The following PLEKHH2 variants were observed in gnomAD, a reference collection of about 807,000 sequenced individuals.
PLEKHH2 encodes pleckstrin homology domain-containing family H member 2.
A neutral mutation model predicts 187.9 loss-of-function variants in PLEKHH2; 129 were observed. The observed-to-expected ratio is 0.69, with a 90% CI of 0.59 to 0.79. PLEKHH2 has a LOEUF of 0.79. Among genes scored for constraint, PLEKHH2 ranks in the 30% least tolerant of loss-of-function variants. PLEKHH2 has a pLI of 0.00. For missense variants in PLEKHH2, 2,076 were observed against 1,751.2 expected, an observed-to-expected ratio of 1.19 and a Z score of -3.31; for synonymous variants, 686 against 605.6, an observed-to-expected ratio of 1.13 and a Z score of -1.95.
Position 43,699,830 on chromosome 2 carries a change from A to G in PLEKHH2, c.872A>G (p.Glu291Gly). Reference protein sequence around the residue: ...APVSDWSSDEEDGSKGRSKSR... With the variant: ...APVSDWSSDEGDGSKGRSKSR... ...GTGAGTGACTGGAGCTCTGATGAGG[A>G]AGACGGGAGCAAAGGAAGATCCAAG... The change falls in exon 8 of 30, where the codon GAA becomes GGA. Residue 291 changes from glutamate (E) to glycine (G), a missense_variant. Glu to Gly is a moderately conservative substitution (Grantham distance 98). Transcript: ENST00000282406. The G allele has an allele frequency of 6.2e-7, 1 of 1,611,870 alleles. No homozygotes were observed. The highest frequency in any genetic ancestry group is 8.5e-7 in the Non-Finnish European group (1 of 1,177,964).
intron 2 of PLEKHH2, among the ~76,000 whole-genome samples, chr2:43,654,795 G>A (rs1051592460): frequency 1.3e-5 from 2 of 151,626 alleles, no homozygotes; most frequent in Non-Finnish European, 2.9e-5. Flanking sequence ...GGGAGGCTGA[G>A]GTGGGCAGAT....
rs770709716 is a variant in PLEKHH2, at chr2:43,707,536, A to G, written c.1957A>G (p.Met653Val). 2 of 1,613,830 alleles carry G rather than the reference A, an allele frequency of 1.2e-6. No individual in the cohort carries two copies. The highest frequency in any genetic ancestry group is 4.5e-5 in the East Asian group (2 of 44,886). The change falls in exon 11 of 30, where the codon ATG becomes GTG. Residue 653 changes from methionine (M) to valine (V), a missense_variant. Coordinates refer to ENST00000282406, the MANE Select transcript of PLEKHH2 (RefSeq NM_172069.4). ...SRSGPGSPRA[M>V]KRGVSLSSVA... is the part of the protein sequence containing the mutation. ...GAGTGGGCCAGGCAGCCCCAGAGCC[A>G]TGAAACGAGGTGAGGGAAAATCGCA...
intron 2 of PLEKHH2, among the ~76,000 whole-genome samples, chr2:43,674,308 G>A (rs1253602707): frequency 6.6e-6 from 1 of 152,062 alleles, no homozygotes. Flanking sequence ...CAAAATCCAG[G>A]CTAAGTAAGG....
chr2:43,766,810 C>G lies in PLEKHH2; in HGVS notation c.*1212C>G, dbSNP rs758342825. On this transcript the variant is annotated 3_prime_UTR_variant, in exon 30 of 30. Transcript: ENST00000282406. The stretch of plus-strand genomic sequence containing the variant: ...ACAGGATCTCCCTATGTTGTCCAGC[C>G]TAGTCTCAAACTCCTGGGTTCAAGC... 1 of 152,136 alleles carries G rather than the reference C, an allele frequency of 6.6e-6. No individual in the cohort carries two copies. Among genetic ancestry groups the G allele is most frequent in the Non-Finnish European group, 1.5e-5 (1 of 68,076 alleles). 9.4% of individuals were successfully genotyped at this position (152,136 alleles called of 1,614,324 possible).
intron 14 of PLEKHH2, chr2:43,711,905 AAAAAG>A (rs1388830899): frequency 4.5e-5 from 45 of 1,001,224 alleles, no homozygotes; most frequent in Non-Finnish European, 5.2e-5. Context: ...AAAAAAAAAA[AAAAAG>A]AAAAGTAGGA....
intron 2 of PLEKHH2, among the ~76,000 whole-genome samples, chr2:43,671,612 AT>A (rs1667502286): frequency 6.6e-6 from 1 of 152,114 alleles, no homozygotes; most frequent in Non-Finnish European, 1.5e-5. Flanking sequence ...GATACCTTTT[AT>A]TAGGTATCAG....
chr2:43,761,699 CA>C (rs1405019159), intron 27 of PLEKHH2, among the ~76,000 whole-genome samples: 1 of 152,120 alleles, frequency 6.6e-6, no homozygotes, highest in Admixed American at 6.5e-5. Context: ...GCGAGAGCCA[CA>C]ACACCCAGTC....
rs571941383 is a variant in PLEKHH2 at position 43,762,374 on chromosome 2, T to C, written c.4142T>C (p.Leu1381Ser). 8.1e-6 allele frequency: 13 copies of C among 1,609,762 alleles called. No individual in the cohort carries two copies. The highest frequency in any genetic ancestry group is 8.5e-6 in the Non-Finnish European group (10 of 1,176,248). Residue 1381 changes from leucine to serine, a missense_variant, in exon 28 of 30, where the codon TTA (leucine) becomes TCA (serine). Leu to Ser is a moderately radical substitution (Grantham distance 145). Coordinates refer to ENST00000282406, the MANE Select transcript of PLEKHH2 (RefSeq NM_172069.4). ...GTACATGAGGATGGTTTAAGCCTCT[T>C]AGAATACAACTCCATGGTAAGTTTA... ...LAVHEDGLSL[L>S]EYNSMRLIVS...
chr2:43,666,901 T>G (rs1235778141), intron 2 of PLEKHH2, among the ~76,000 whole-genome samples: 1 of 152,208 alleles, frequency 6.6e-6, no homozygotes, highest in African/African-American at 2.4e-5. Flanking sequence ...CTCATTTTTC[T>G]TAATAGTAAG....
At chr2:43,693,848 C>A (rs1161593046) in intron 4 of PLEKHH2, among the ~76,000 whole-genome samples, 1 of 151,646 alleles carries the variant, frequency 6.6e-6, no homozygotes, top group African/African-American at 2.4e-5. Context: ...TTATTTTCAG[C>A]ATTTTTTCCC....
chr2:43,718,746 A>G (rs1164823578), intron 15 of PLEKHH2, among the ~76,000 whole-genome samples: 1 of 152,168 alleles, frequency 6.6e-6, no homozygotes, highest in East Asian at 1.9e-4. Context: ...CTTTCTGAAG[A>G]TTGTTTGAAG....
At chr2:43,639,501 T>G (rs895198418) in intron 1 of PLEKHH2, among the ~76,000 whole-genome samples, 1 of 152,228 alleles carries the variant, frequency 6.6e-6, no homozygotes, top group South Asian at 2.1e-4. Flanking sequence ...GGACATTTCA[T>G]GTAAATGGAC....
intron 17 of PLEKHH2, 97 bp downstream of exon 17, chr2:43,726,548 G>T: frequency 2.5e-6 from 3 of 1,200,142 alleles, no homozygotes; most frequent in South Asian, 2.9e-5. Flanking sequence ...AAATAAGGAA[G>T]AAAATTTTGC....
At chr2:43,740,303 G>A (rs1403114838) in intron 20 of PLEKHH2, among the ~76,000 whole-genome samples, 1 of 151,976 alleles carries the variant, frequency 6.6e-6, no homozygotes, top group East Asian at 1.9e-4. Context: ...AAATTTTTTT[G>A]TTGTTTGAAG....
chr2:43,692,766 T>C, intron 4 of PLEKHH2, 103 bp downstream of exon 4: 2 of 1,275,832 alleles, frequency 1.6e-6, no homozygotes, highest in Non-Finnish European at 2.2e-6. Flanking sequence ...TGGGGAGAAA[T>C]ATTGCTTATT....
chr2:43,650,335 G>C (rs965194067), intron 2 of PLEKHH2, among the ~76,000 whole-genome samples: 1 of 151,726 alleles, frequency 6.6e-6, no homozygotes, highest in East Asian at 1.9e-4. Context: ...GTTTCACCAT[G>C]TTGGCCAGGC....
intron 2 of PLEKHH2, among the ~76,000 whole-genome samples, chr2:43,666,378 C>T (rs1574498644): frequency 6.6e-6 from 1 of 151,304 alleles, no homozygotes; most frequent in Non-Finnish European, 1.5e-5. Context: ...CTGTCTGGCA[C>T]TCCCTAGTGA....
Position 43,743,991 on chromosome 2 carries a change from T to C in PLEKHH2, c.3555+2T>C. ...CATTGTCTTCAAGGAAACATCAAGGTGAAACCAAGTCCTTTTCAGGAGCCA... is the reference window on the plus strand; with the variant it reads ...CATTGTCTTCAAGGAAACATCAAGGCGAAACCAAGTCCTTTTCAGGAGCCA... On this transcript the variant is annotated splice_donor_variant, in intron 23 of 29. Coordinates refer to ENST00000282406, the MANE Select transcript of PLEKHH2 (RefSeq NM_172069.4). LOFTEE classifies it high-confidence loss of function. The C allele has an allele frequency of 6.2e-7, 1 of 1,611,892 alleles. No individual in the cohort carries two copies. The highest frequency in any genetic ancestry group is 8.5e-7 in the Non-Finnish European group (1 of 1,178,486).
chr2:43,761,873 T>C (rs1277744844), intron 27 of PLEKHH2, among the ~76,000 whole-genome samples: 1 of 152,198 alleles, frequency 6.6e-6, no homozygotes, highest in African/African-American at 2.4e-5. Flanking sequence ...ATAATAATCT[T>C]TTACCTTGTA....
Sources: gnomAD v4.1 joint callset for allele counts (sites outside exome capture counted in the v4.1 genomes callset) on GRCh38, gnomAD v4.1.1 for gene constraint, MANE v1.5 for transcripts, NCBI Gene and HGNC (gene_info 2026-07-23, HGNC 2026-07-21) for gene names.